The following RBFOX1 variants were observed in gnomAD, a reference collection of about 807,000 sequenced individuals.
RBFOX1 encodes the protein RNA binding fox-1 homolog 1, also known as RNA binding protein fox-1 homolog 1.
RBFOX1 carries 8 observed loss-of-function variants against 57.7 expected under a neutral mutation model. The observed-to-expected ratio is 0.14, with a 90% CI of 0.08 to 0.25. The LOEUF is 0.25. Among genes scored for constraint, RBFOX1 ranks in the 10% least tolerant of loss-of-function variants. The pLI, the probability that RBFOX1 is intolerant of heterozygous loss-of-function variation, is 1.00. For missense variants in RBFOX1, 611 were observed against 548.5 expected, an observed-to-expected ratio of 1.11 and a Z score of -1.14; for synonymous variants, 326 against 222.4, an observed-to-expected ratio of 1.47 and a Z score of -4.15.
At chr16:5,258,203 T>C (rs763964046) in intron 1 of RBFOX1, among the ~76,000 whole-genome samples, 33 of 152,116 alleles carry the variant, frequency 2.2e-4, no homozygotes, top group Non-Finnish European at 5.9e-5. Context: ...TTATTATTAT[T>C]ATGAAAAATT....
intron 1 of RBFOX1, among the ~76,000 whole-genome samples, chr16:6,311,032 C>T (rs1407558439): frequency 6.6e-6 from 1 of 152,124 alleles, no homozygotes; most frequent in African/African-American, 2.4e-5. Context: ...TGTGGTGGCT[C>T]ACACTTTTAA....
chr16:6,942,380 G>C (rs151152799), intron 3 of RBFOX1, among the ~76,000 whole-genome samples: 14 of 152,140 alleles, frequency 9.2e-5, no homozygotes, highest in African/African-American at 2.9e-4. Flanking sequence ...GGCTGATCTC[G>C]AACCCTTGGG....
At chr16:5,609,899 G>A (rs576421563) in intron 3 of RBFOX1, among the ~76,000 whole-genome samples, 1 of 152,118 alleles carries the variant, frequency 6.6e-6, no homozygotes, top group Admixed American at 6.5e-5. Context: ...AGACAAAACC[G>A]ACATCAGCAT....
chr16:5,682,645 A>G (rs1049546262), intron 3 of RBFOX1, among the ~76,000 whole-genome samples: 2 of 152,170 alleles, frequency 1.3e-5, no homozygotes, highest in African/African-American at 4.8e-5. Context: ...TAGATAAGCA[A>G]TTGGCCCAAA....
At chr16:6,883,234 C>G (rs189579533) in intron 3 of RBFOX1, among the ~76,000 whole-genome samples, 114 of 152,292 alleles carry the variant, frequency 7.5e-4, no homozygotes, top group Non-Finnish European at 1.2e-3. Flanking sequence ...TCTCGCTTTG[C>G]TACACTATGG....
chr16:5,687,354 C>T (rs1048289014), intron 3 of RBFOX1, among the ~76,000 whole-genome samples: 3 of 152,048 alleles, frequency 2.0e-5, no homozygotes, highest in Non-Finnish European at 4.4e-5. Context: ...CTTACCACTC[C>T]CTCCCCACCA....
At chr16:6,481,189 T>C (rs1048564079) in intron 2 of RBFOX1, among the ~76,000 whole-genome samples, 5 of 152,220 alleles carry the variant, frequency 3.3e-5, no homozygotes, top group Admixed American at 6.5e-5. Flanking sequence ...GTTGCATCCC[T>C]TCCTGTTTTA....
chr16:7,651,731 G>A (rs1001814410), intron 11 of RBFOX1, among the ~76,000 whole-genome samples: 4 of 152,212 alleles, frequency 2.6e-5, no homozygotes, highest in Non-Finnish European at 4.4e-5. Context: ...AGAAAGCCTG[G>A]AAAAGGAGTT....
intron 4 of RBFOX1, among the ~76,000 whole-genome samples, chr16:7,441,089 C>G (rs899309199): frequency 6.6e-6 from 1 of 152,104 alleles, no homozygotes; most frequent in East Asian, 1.9e-4. Context: ...AAGATATCCT[C>G]TTTAAAGAGA....
chr16:5,781,972 G>A (rs900054854), intron 3 of RBFOX1, among the ~76,000 whole-genome samples: 1 of 152,226 alleles, frequency 6.6e-6, no homozygotes, highest in Admixed American at 6.5e-5. Context: ...TAGGGAGGCC[G>A]AGGTGGGCGG....
intron 3 of RBFOX1, among the ~76,000 whole-genome samples, chr16:5,796,056 T>A (rs1438492784): frequency 6.6e-6 from 1 of 152,192 alleles, no homozygotes; most frequent in Non-Finnish European, 1.5e-5. Context: ...CTAGTGCATT[T>A]TCAGCTTGTA....
chr16:6,891,465 T>C (rs1053093473), intron 3 of RBFOX1, among the ~76,000 whole-genome samples: 1 of 148,452 alleles, frequency 6.7e-6, no homozygotes, highest in Admixed American at 6.8e-5. Flanking sequence ...ACACACACAC[T>C]AGAGAGAGAG....
At chr16:7,699,147 T>A (rs954460941) in intron 14 of RBFOX1, among the ~76,000 whole-genome samples, 2 of 152,114 alleles carry the variant, frequency 1.3e-5, no homozygotes, top group African/African-American at 4.8e-5. Context: ...ATAATTGTAA[T>A]AGAAAAGACC....
At chr16:6,834,119 C>T (rs1477336469) in intron 3 of RBFOX1, among the ~76,000 whole-genome samples, 1 of 151,790 alleles carries the variant, frequency 6.6e-6, no homozygotes, top group Non-Finnish European at 1.5e-5. Context: ...GGCTGGTGTG[C>T]AGTGGTGTGA....
chr16:6,418,756 G>A (rs532937771), intron 2 of RBFOX1, among the ~76,000 whole-genome samples: 14 of 151,950 alleles, frequency 9.2e-5, no homozygotes, highest in Non-Finnish European at 1.8e-4. Context: ...TTGAACTCCT[G>A]GTCCTTAATC....
intron 4 of RBFOX1, among the ~76,000 whole-genome samples, chr16:7,420,697 G>T (rs539740172): frequency 6.6e-6 from 1 of 151,190 alleles, no homozygotes; most frequent in South Asian, 2.1e-4. Context: ...CAGTAATTGG[G>T]CATATAGCAG....
chr16:7,699,011 C>G (rs149331324), intron 14 of RBFOX1, among the ~76,000 whole-genome samples: 314 of 152,228 alleles, frequency 2.1e-3, no homozygotes, highest in South Asian at 7.3e-3. Flanking sequence ...AAGAATGCAC[C>G]AAAGTCACCT....
chr16:6,876,624 A>G (rs1007256587), intron 3 of RBFOX1, among the ~76,000 whole-genome samples: 4 of 152,100 alleles, frequency 2.6e-5, no homozygotes, highest in African/African-American at 4.8e-5. Context: ...AAAGACTTGT[A>G]TCTATTTTTT....
intron 4 of RBFOX1, among the ~76,000 whole-genome samples, chr16:7,327,833 C>G (rs987656438): frequency 6.6e-6 from 1 of 151,332 alleles, no homozygotes; most frequent in Non-Finnish European, 1.5e-5. Context: ...TTACACTGTG[C>G]AGACAAATCA....
Sources: allele counts gnomAD v4.1 joint callset (sites outside exome capture counted in the v4.1 genomes callset), GRCh38; gene constraint gnomAD v4.1.1; transcripts MANE v1.5; gene names NCBI Gene and HGNC (gene_info 2026-07-23, HGNC 2026-07-21).